The following ARFGAP1 variants were observed in gnomAD, a reference collection of about 807,000 sequenced individuals.
ARFGAP1 encodes the protein ADP-ribosylation factor GTPase-activating protein 1.
A neutral mutation model predicts 54.0 loss-of-function variants in ARFGAP1; 26 were observed. That is an observed-to-expected ratio of 0.48 (90% CI 0.35 to 0.67). ARFGAP1 has a LOEUF of 0.67. ARFGAP1 is among the 30% of genes least tolerant of loss of function. The probability of loss-of-function intolerance (pLI) is 0.00; values close to 1 mark genes in which losing one functional copy is unlikely to be tolerated. For missense variants in ARFGAP1, 525 were observed against 535.8 expected, an observed-to-expected ratio of 0.98 and a Z score of 0.20; for synonymous variants, 248 against 211.9, an observed-to-expected ratio of 1.17 and a Z score of -1.48.
At chr20:63,274,085 G>A (rs768931032) in intron 1 of ARFGAP1, 1 of 152,184 alleles carries the variant, frequency 6.6e-6, no homozygotes, top group Non-Finnish European at 1.5e-5. Context: ...GGTCAGGAGT[G>A]AGCATTCAGA....
At chr20:63,284,608 G>C (rs771998807) in intron 9 of ARFGAP1, 2 of 1,339,466 alleles carry the variant, frequency 1.5e-6, no homozygotes, top group South Asian at 1.5e-5. Flanking sequence ...GCATGGTGGC[G>C]CGTGAGGGAG....
chr20:63,281,328 C>T lies in ARFGAP1; in HGVS notation c.665C>T (p.Ala222Val), dbSNP rs1451579824. 2 of 1,600,236 alleles carry T rather than the reference C, an allele frequency of 1.2e-6. No individual in the cohort carries two copies. Among genetic ancestry groups the T allele is most frequent in the South Asian group, 1.1e-5 (1 of 89,872 alleles). Residue 222 changes from alanine to valine, a missense_variant, in exon 8 of 13, where the codon GCC (alanine) becomes GTC (valine). Ala to Val is a moderately conservative substitution (Grantham distance 64). Around this residue, in one of 3 missense-constraint regions of ARFGAP1, gnomAD observed 466 missense variants for 453.6 expected, o/e 1.03. Transcript: ENST00000370283. ...TTCACCACTGGAGCCAGCCGGTTTG[C>T]CTCGGCAGCCAAGGAGGGCGTAAGT... ...SSFTTGASRF[A>V]SAAKEGATKF... is the part of the protein sequence containing the mutation.
rs781093815 is a variant in ARFGAP1 at position 63,288,262 on chromosome 20, G to A, written c.*389G>A. On this transcript the variant is annotated 3_prime_UTR_variant, in exon 13 of 13. Coordinates refer to ENST00000370283, the MANE Select transcript of ARFGAP1 (RefSeq NM_018209.4). ...AGCCACGTGCCGAGCTGTCAGCGAC[G>A]TGAGGTGTCCCTTCTCGTTGAGATA... 28 of 522,356 alleles carry A rather than the reference G, an allele frequency of 5.4e-5. No homozygotes were observed. Among genetic ancestry groups the A allele is most frequent in the African/African-American group, 7.6e-5 (4 of 52,768 alleles). The allele number at this position is 522,356 out of a possible 1,614,324, so 32.4% of individuals were successfully genotyped here.
rs76208191 is a variant in ARFGAP1 at position 63,280,975 on chromosome 20, C to T, written c.628-316C>T. ...GTTCCTCTAGGGAGGCAGGAGGGAG[C>T]GCCGGCCATGGGGAGGGGTCCTGCC... On this transcript the variant is annotated intron_variant, in intron 7 of 12. Coordinates refer to ENST00000370283, the MANE Select transcript of ARFGAP1 (RefSeq NM_018209.4). 4.8e-3 allele frequency among the ~76,000 whole-genome samples: 738 copies of T among 152,280 alleles called. 26 individuals carry two copies. The East Asian group carries it at 0.087, about 18-fold the overall frequency.
chr20:63,278,129 G>T lies in ARFGAP1; in HGVS notation c.456G>T (p.Gln152His), dbSNP rs746776666. ...TTCTCGGTTTCAGAGTCTCTGGCCA[G>T]CCGCAGAGTGTGACCGCCTCCTCGG... Reference protein sequence around the residue: ...LPSMVHRVSGQPQSVTASSDK... With the variant: ...LPSMVHRVSGHPQSVTASSDK... Residue 152 changes from glutamine to histidine, a missense_variant, in exon 6 of 13, where the codon CAG becomes CAT. Coordinates refer to ENST00000370283, the MANE Select transcript of ARFGAP1 (RefSeq NM_018209.4). The T allele has an allele frequency of 1.9e-6, 3 of 1,613,700 alleles. No individual in the cohort carries two copies. Among genetic ancestry groups the T allele is most frequent in the Non-Finnish European group, 1.7e-6 (2 of 1,179,902 alleles).
chr20:63,284,905 A>G lies in ARFGAP1; in HGVS notation c.757A>G (p.Lys253Glu), dbSNP rs755314276. Residue 253 changes from lysine to glutamate, a missense_variant, in exon 10 of 13, where the codon AAG becomes GAG. Transcript: ENST00000370283. ...LGHSLNENVL[K>E]PAQEKVKEGK... ...CCACAGCCTGAACGAGAACGTCCTCAAGCCTGCGCAGGAGAAGGTAACGGG... is the reference window on the plus strand; with the variant it reads ...CCACAGCCTGAACGAGAACGTCCTCGAGCCTGCGCAGGAGAAGGTAACGGG... 1.9e-6 allele frequency: 3 copies of G among 1,613,226 alleles called. No individual in the cohort carries two copies. Among genetic ancestry groups the G allele is most frequent in the East Asian group, 2.2e-5 (1 of 44,870 alleles).
rs78115653 is a variant in ARFGAP1 at position 63,283,009 on chromosome 20, C to T, written c.717+158C>T. Reference sequence around the variant, plus strand: ...AAGGGGGTGTTCCTGCCATGCTGTTCCCCTCCTCATGCCCGGGTGGCTGCC... The same window carrying T: ...AAGGGGGTGTTCCTGCCATGCTGTTTCCCTCCTCATGCCCGGGTGGCTGCC... On this transcript the variant is annotated intron_variant, in intron 9 of 12. Transcript: ENST00000370283. 39 of 787,766 alleles carry T rather than the reference C, an allele frequency of 5.0e-5. No individual in the cohort carries two copies. The Middle Eastern group carries it at 1.3e-3, about 26-fold the overall frequency. 48.8% of individuals were successfully genotyped at this position (787,766 alleles called of 1,614,324 possible).
intron 5 of ARFGAP1, 51 bp downstream of exon 5, chr20:63,277,356 T>C: frequency 1.4e-6 from 2 of 1,462,554 alleles, no homozygotes; most frequent in Non-Finnish European, 1.8e-6. Flanking sequence ...GTCCTGAACT[T>C]AGTAGATTGG....
intron 8 of ARFGAP1, among the ~76,000 whole-genome samples, chr20:63,282,299 G>A (rs754749690): frequency 2.5e-4 from 38 of 152,250 alleles, no homozygotes; most frequent in Admixed American, 3.9e-4. Context: ...GGAGGGCTGC[G>A]GCCTGGGGAG....
At chr20:63,280,501 C>T (rs1297988574) in intron 7 of ARFGAP1, among the ~76,000 whole-genome samples, 1 of 152,226 alleles carries the variant, frequency 6.6e-6, no homozygotes, top group Admixed American at 6.5e-5. Flanking sequence ...TCTTCAAAGT[C>T]TGTTAACTGG....
chr20:63,280,966 A>G (rs1293576157), intron 7 of ARFGAP1, among the ~76,000 whole-genome samples: 1 of 152,202 alleles, frequency 6.6e-6, no homozygotes, highest in Non-Finnish European at 1.5e-5. Flanking sequence ...CTAGGGAGGC[A>G]GGAGGGAGCG....
rs758659039 is a variant in ARFGAP1, at chr20:63,284,851, C to T, written c.718-15C>T. The T allele has an allele frequency of 6.2e-7, 1 of 1,612,422 alleles. No individual in the cohort carries two copies. The highest frequency in any genetic ancestry group is 8.5e-7 in the Non-Finnish European group (1 of 1,179,890). ...TGGAGCTGTCGTGGGGCTCACGTGA[C>T]TTCCCTTCCTACAGGCGTCCGAGCT... On this transcript the variant is annotated splice_polypyrimidine_tract_variant and intron_variant, in intron 9 of 12. Transcript: ENST00000370283.
intron 2 of ARFGAP1, 52 bp downstream of exon 2, chr20:63,275,692 G>A: frequency 6.4e-7 from 1 of 1,561,640 alleles, no homozygotes; most frequent in Non-Finnish European, 8.8e-7. Flanking sequence ...GGGTCAGTGA[G>A]TTCCGGGAAG....
chr20:63,281,493 T>A, intron 8 of ARFGAP1, 146 bp downstream of exon 8: 1 of 1,015,362 alleles, frequency 9.8e-7, no homozygotes, highest in East Asian at 2.7e-5. Flanking sequence ...GCCAACGCAG[T>A]ACCAGCCAGG....
intron 5 of ARFGAP1, among the ~76,000 whole-genome samples, chr20:63,277,794 G>C (rs567810655): frequency 1.1e-3 from 168 of 152,368 alleles, no homozygotes; most frequent in Non-Finnish European, 1.6e-3. Flanking sequence ...TCTGACGGAA[G>C]GCTTTGCACT....
chr20:63,278,438 A>G (rs2067289986), intron 6 of ARFGAP1: 1 of 508,522 alleles, frequency 2.0e-6, no homozygotes, highest in Non-Finnish European at 3.5e-6. Flanking sequence ...TCTTAGATGT[A>G]TTGCAGTGAC....
At position 63,276,043 on chromosome 20, in the gene ARFGAP1, G is replaced by C. The variant is rs1174303066; in HGVS notation, c.61-48G>C. ...CACCTGTCGGGTCTTTGGGGTCCCT[G>C]GGCTCTGCCCTGAGCCACCTGGTGA... On this transcript the variant is annotated intron_variant, in intron 2 of 12. Coordinates refer to ENST00000370283, the MANE Select transcript of ARFGAP1 (RefSeq NM_018209.4). The surrounding 1 kb of genome is among the most constrained non-coding windows in gnomAD (Gnocchi z 5.2). 1.9e-6 allele frequency: 3 copies of C among 1,566,120 alleles called. No individual in the cohort carries two copies. In the Admixed American group the frequency reaches 5.0e-5, roughly 26 times the overall value.
At chr20:63,281,537 A>T (rs916572598) in intron 8 of ARFGAP1, among the ~76,000 whole-genome samples, 190 bp downstream of exon 8, 1 of 152,162 alleles carries the variant, frequency 6.6e-6, no homozygotes. Flanking sequence ...CTGCAGGAAC[A>T]CAGCAGCCCA....
intron 7 of ARFGAP1, 58 bp from the exon 8 acceptor site, chr20:63,281,233 C>G: frequency 6.5e-7 from 1 of 1,535,108 alleles, no homozygotes; most frequent in South Asian, 1.2e-5. Flanking sequence ...ATACTCTGCT[C>G]AGCGCCGGGT....
Sources: gnomAD v4.1 joint callset for allele counts (sites outside exome capture counted in the v4.1 genomes callset) on GRCh38, gnomAD v4.1.1 for gene constraint, gnomAD v4.1.1 regional missense constraint, Gnocchi (gnomAD v3.1) non-coding constraint, MANE v1.5 for transcripts, NCBI Gene and HGNC (gene_info 2026-07-23, HGNC 2026-07-21) for gene names.